Variants in PSMF1 observed in about 807,000 individuals in gnomAD.
The protein encoded by PSMF1 is proteasome inhibitor PI31 subunit.
PSMF1 carries 30 observed loss-of-function variants against 29.3 expected under a neutral mutation model. That is an observed-to-expected ratio of 1.02 (90% CI 0.77 to 1.39). PSMF1 has a LOEUF of 1.39. PSMF1 is among the 40% of genes most tolerant of loss of function. The pLI is 0.00. For missense variants in PSMF1, 344 were observed against 357.5 expected (o/e 0.96, Z 0.31); for synonymous variants, 134 against 139.7 (o/e 0.96, Z 0.29).
At chr20:1,127,636 A>G (rs1431866311) in intron 3 of PSMF1, 128 bp downstream of exon 3, 3 of 748,230 alleles carry the variant, frequency 4.0e-6, no homozygotes, top group African/African-American at 1.7e-5. Context: ...TTCTGGGCAC[A>G]ACTTCCTAAT....
chr20:1,149,706 A>G (rs2086501797), intron 4 of PSMF1, among the ~76,000 whole-genome samples: 2 of 152,260 alleles, frequency 1.3e-5, no homozygotes, highest in African/African-American at 4.8e-5. Context: ...AGTACTTTTC[A>G]TCATGACAAC....
Position 1,132,318 on chromosome 20 carries a change from C to T in PSMF1, c.366-2803C>T, listed in dbSNP as rs2086240760. On this transcript the variant is annotated intron_variant, in intron 3 of 6. Transcript: ENST00000335877. Reference sequence around the variant, plus strand: ...AGTCTCACTGTGTCTCAAAAAGGCTCAGGCTGGAGTGCAGTGGTGTGATCT... The same window carrying T: ...AGTCTCACTGTGTCTCAAAAAGGCTTAGGCTGGAGTGCAGTGGTGTGATCT... Among the ~76,000 whole-genome samples, 4 of 150,322 alleles carry T rather than the reference C, an allele frequency of 2.7e-5. No individual in the cohort carries two copies. The South Asian group carries it at 8.4e-4, about 32-fold the overall frequency.
chr20:1,147,111 G>T (rs769056007), intron 4 of PSMF1, among the ~76,000 whole-genome samples: 64 of 151,924 alleles, frequency 4.2e-4, no homozygotes, highest in Non-Finnish European at 3.2e-4. Flanking sequence ...CCAGGCCCAG[G>T]TCCATTATGG....
At position 1,170,918 on chromosome 20, in the gene PSMF1, A is replaced by G. The variant is rs763191112; in HGVS notation, c.*5838A>G. On this transcript the variant is annotated 3_prime_UTR_variant, in exon 7 of 7. Transcript: ENST00000335877. ...GCATGTAGTACCCCTGACAACCCCAAGGTAAACACAGCTAGTGGCATTAGT... is the reference window on the plus strand; with the variant it reads ...GCATGTAGTACCCCTGACAACCCCAGGGTAAACACAGCTAGTGGCATTAGT... Among the ~76,000 whole-genome samples, 14 of 152,028 alleles carry G rather than the reference A, an allele frequency of 9.2e-5. No homozygotes were observed. The highest frequency in any genetic ancestry group is 1.8e-4 in the Non-Finnish European group (12 of 68,002).
chr20:1,157,075 G>A (rs1300327320), intron 4 of PSMF1, among the ~76,000 whole-genome samples: 1 of 152,224 alleles, frequency 6.6e-6, no homozygotes, highest in East Asian at 1.9e-4. Context: ...GGAGTCCGAT[G>A]TTCAAGGACA....
At chr20:1,123,019 A>G (rs1396005609) in intron 1 of PSMF1, among the ~76,000 whole-genome samples, 1 of 152,252 alleles carries the variant, frequency 6.6e-6, no homozygotes, top group Admixed American at 6.5e-5. Flanking sequence ...ACTAAACACT[A>G]AACATATTCG....
intron 4 of PSMF1, among the ~76,000 whole-genome samples, chr20:1,140,427 G>A (rs571135431): frequency 2.0e-5 from 3 of 152,066 alleles, no homozygotes; most frequent in Admixed American, 6.5e-5. Context: ...TCCCTTCCTC[G>A]ATTACCTCTA....
At chr20:1,113,756 G>T (rs1032695055), upstream of PSMF1, among the ~76,000 whole-genome samples, 1 of 151,890 alleles carries the variant, frequency 6.6e-6, no homozygotes, top group Non-Finnish European at 1.5e-5. Context: ...GCAGTGGCGC[G>T]ATCTCAGCTT....
Position 1,155,969 on chromosome 20 carries a change from AT to A in PSMF1, c.552-7159del, listed in dbSNP as rs538701789. The stretch of plus-strand genomic sequence containing the variant: ...GTATTAAGATGACACAGATGTTGGA[AT>A]TATTTGACAGGCTTTAAAGTGGCTA... On this transcript the variant is annotated intron_variant, in intron 4 of 6. Transcript: ENST00000335877. Among the ~76,000 whole-genome samples, 133 of 152,356 alleles carry A rather than the reference AT, an allele frequency of 8.7e-4. 2 individuals are homozygous for A. The South Asian group carries it at 0.014, about 16-fold the overall frequency.
chr20:1,120,870 C>T (rs1337986992), intron 1 of PSMF1, among the ~76,000 whole-genome samples: 2 of 152,174 alleles, frequency 1.3e-5, no homozygotes, highest in East Asian at 1.9e-4. Flanking sequence ...ACCCCATCCA[C>T]CTCTGCTGAG....
Position 1,169,099 on chromosome 20 carries a change from A to T in PSMF1, c.*4019A>T, listed in dbSNP as rs117295028. Among the ~76,000 whole-genome samples, 850 of 152,226 alleles carry T rather than the reference A, an allele frequency of 5.6e-3. 6 individuals carry two copies. Among genetic ancestry groups the T allele is most frequent in the African/African-American group, 0.019 (789 of 41,534 alleles). On this transcript the variant is annotated 3_prime_UTR_variant, in exon 7 of 7. Transcript: ENST00000335877. ...GTGATCCTGCTGCTCTCTGGACCGTAACCTTTTTGGTTACAAAAGGTAAAT... is the reference window on the plus strand; with the variant it reads ...GTGATCCTGCTGCTCTCTGGACCGTTACCTTTTTGGTTACAAAAGGTAAAT...
At chr20:1,127,304 A>G (rs2086170871) in intron 2 of PSMF1, 122 bp from the exon 3 acceptor site, 1 of 822,686 alleles carries the variant, frequency 1.2e-6, no homozygotes, top group African/African-American at 1.7e-5. Flanking sequence ...CAGTCCTTAT[A>G]TATGTCTCTG....
rs1191174008 is a variant in PSMF1, at chr20:1,171,339, C to T, written c.*6259C>T. On this transcript the variant is annotated 3_prime_UTR_variant, in exon 7 of 7. Coordinates refer to ENST00000335877, the MANE Select transcript of PSMF1 (RefSeq NM_006814.5). ...TGATGGGGAGCTCCTAACAGGCTTCCCTGGGCCACAGGAATGGGCTCGGGC... is the reference window on the plus strand; with the variant it reads ...TGATGGGGAGCTCCTAACAGGCTTCTCTGGGCCACAGGAATGGGCTCGGGC... Among the ~76,000 whole-genome samples the T allele has an allele frequency of 3.9e-5, 6 of 152,152 alleles. No individual in the cohort carries two copies. Among genetic ancestry groups the T allele is most frequent in the Non-Finnish European group, 7.3e-5 (5 of 68,034 alleles).
Position 1,155,664 on chromosome 20 carries a change from C to T in PSMF1, c.552-7466C>T, listed in dbSNP as rs906043863. On this transcript the variant is annotated intron_variant, in intron 4 of 6. Coordinates refer to ENST00000335877, the MANE Select transcript of PSMF1 (RefSeq NM_006814.5). ...CTGATTCTAAATAGCATATCAAAGACTTTAGAATATAAGTACAGGAGAACT... is the reference window on the plus strand; with the variant it reads ...CTGATTCTAAATAGCATATCAAAGATTTTAGAATATAAGTACAGGAGAACT... 2.0e-5 allele frequency among the ~76,000 whole-genome samples: 3 copies of T among 152,190 alleles called. No homozygotes were observed. The East Asian group carries it at 5.8e-4, about 29-fold the overall frequency.
At chr20:1,133,742 G>A (rs2086267120) in intron 3 of PSMF1, among the ~76,000 whole-genome samples, 1 of 150,718 alleles carries the variant, frequency 6.6e-6, no homozygotes, top group African/African-American at 2.4e-5. Context: ...AATCATCTGA[G>A]CCTGGAGATT....
chr20:1,142,591 G>A lies in PSMF1; in HGVS notation c.551+7285G>A, dbSNP rs1008379065. On this transcript the variant is annotated intron_variant, in intron 4 of 6. Coordinates refer to ENST00000335877, the MANE Select transcript of PSMF1 (RefSeq NM_006814.5). ...CAGCTTCATCCATGTCCCTACAAAG[G>A]ACGTGAACTCATCATTTTTTATGGC... is the stretch of plus-strand genomic sequence containing the variant. Among the ~76,000 whole-genome samples the A allele has an allele frequency of 2.6e-5, 4 of 152,300 alleles. No homozygotes were observed. In the East Asian group the frequency reaches 7.7e-4, roughly 29 times the overall value.
chr20:1,143,361 A>G (rs970826492), intron 4 of PSMF1, among the ~76,000 whole-genome samples: 2 of 152,240 alleles, frequency 1.3e-5, no homozygotes, highest in Non-Finnish European at 1.5e-5. Flanking sequence ...ACTTTTGACA[A>G]GGGTGCAAAA....
At position 1,136,475 on chromosome 20, in the gene PSMF1, C is replaced by G. The variant is rs560207523; in HGVS notation, c.551+1169C>G. On this transcript the variant is annotated intron_variant, in intron 4 of 6. Transcript: ENST00000335877. ...TAGTAATTCTCAGCTTTATTAGACC[C>G]AATGCCCATTTCAAAACAAGTATTC... Among the ~76,000 whole-genome samples the G allele has an allele frequency of 1.2e-4, 19 of 152,294 alleles. No individual in the cohort carries two copies. In the East Asian group the frequency reaches 3.7e-3, roughly 29 times the overall value.
At position 1,124,749 on chromosome 20, in the gene PSMF1, C is replaced by G. The variant is rs561662331; in HGVS notation, c.130-749C>G. On this transcript the variant is annotated intron_variant, in intron 1 of 6. Coordinates refer to ENST00000335877, the MANE Select transcript of PSMF1 (RefSeq NM_006814.5). ...AAATGCATTGACATGGATACATTTC[C>G]AAAAACTATCAAATAAAAAAGGCAA... Among the ~76,000 whole-genome samples the G allele has an allele frequency of 2.4e-4, 36 of 152,252 alleles. 1 individual carries two copies. In the South Asian group the frequency reaches 4.6e-3, roughly 19 times the overall value.
Sources: allele counts gnomAD v4.1 joint callset (sites outside exome capture counted in the v4.1 genomes callset), GRCh38; gene constraint gnomAD v4.1.1; transcripts MANE v1.5; gene names NCBI Gene and HGNC (gene_info 2026-07-23, HGNC 2026-07-21).